Variants in FHOD3 observed in about 807,000 individuals in gnomAD.
The protein encoded by FHOD3 is FH1/FH2 domain-containing protein 3.
Under a neutral mutation model 173.0 loss-of-function variants are expected in FHOD3, and 90 were observed. The ratio of observed to expected loss-of-function variants is 0.52; its 90% CI spans 0.44 to 0.62. FHOD3 has a LOEUF of 0.62. Ranked by LOEUF, FHOD3 falls within the 20% of genes least tolerant of loss-of-function variation. FHOD3 has a pLI of 0.00. For missense variants in FHOD3, 1,945 were observed against 2,034.7 expected, an observed-to-expected ratio of 0.96 and a Z score of 0.85; for synonymous variants, 828 against 823.0, an observed-to-expected ratio of 1.01 and a Z score of -0.10.
At chr18:36,725,519 T>C (rs2041015998) in intron 19 of FHOD3, among the ~76,000 whole-genome samples, 1 of 151,942 alleles carries the variant, frequency 6.6e-6, no homozygotes, top group South Asian at 2.1e-4. Context: ...CTGTGCAGGG[T>C]TCAGCATCAT....
intron 3 of FHOD3, among the ~76,000 whole-genome samples, chr18:36,420,571 G>A (rs1790635): frequency 0.3 from 45,617 of 151,992 alleles, 7,162 homozygotes; most frequent in East Asian, 0.48. Flanking sequence ...TTGTTGGCTC[G>A]GGACAGCTGG....
intron 3 of FHOD3, among the ~76,000 whole-genome samples, chr18:36,393,965 C>T (rs1238217319): frequency 6.6e-6 from 1 of 152,106 alleles, no homozygotes; most frequent in African/African-American, 2.4e-5. Flanking sequence ...TTGATTAAAA[C>T]TTAGAAGGGT....
intron 10 of FHOD3, among the ~76,000 whole-genome samples, chr18:36,627,861 G>T (rs1015206842): frequency 6.6e-6 from 1 of 152,168 alleles, no homozygotes; most frequent in African/African-American, 2.4e-5. Flanking sequence ...TCAGAGTCAA[G>T]TGGCTCATTG....
At chr18:36,581,710 GCTCTCTCTTTC>G (rs1375128241) in intron 6 of FHOD3, among the ~76,000 whole-genome samples, 2 of 152,100 alleles carry the variant, frequency 1.3e-5, no homozygotes, top group Admixed American at 6.5e-5. Context: ...GTGCTCATGC[GCTCTCTCTTTC>G]TCTGTCATAT....
intron 10 of FHOD3, among the ~76,000 whole-genome samples, chr18:36,647,765 C>T (rs752245476): frequency 1.3e-5 from 2 of 152,158 alleles, no homozygotes; most frequent in Non-Finnish European, 2.9e-5. Flanking sequence ...TTCAAGTATA[C>T]GTAACTATGT....
In FHOD3 at chr18:36,669,913, T is replaced by C. The variant is rs139940562; in HGVS notation, c.1836-11523T>C. Among the ~76,000 whole-genome samples, 401 of 152,164 alleles carry C rather than the reference T, an allele frequency of 2.6e-3. 1 individual carries two copies. Among genetic ancestry groups the C allele is most frequent in the Non-Finnish European group, 4.7e-3 (317 of 67,908 alleles). On this transcript the variant is annotated intron_variant, in intron 14 of 28. Transcript: ENST00000590592. ...ATTTATCTTCTGCCAACATTTCTTT[T>C]AGTGCAGGTCTAGATAATGAATTAT...
At chr18:36,423,832 T>C (rs2050110947) in intron 3 of FHOD3, among the ~76,000 whole-genome samples, 1 of 152,268 alleles carries the variant, frequency 6.6e-6, no homozygotes, top group Non-Finnish European at 1.5e-5. Context: ...ATCCCTATTC[T>C]GTTTCCTTAT....
At chr18:36,671,225 C>T (rs555117458) in intron 14 of FHOD3, among the ~76,000 whole-genome samples, 1 of 152,366 alleles carries the variant, frequency 6.6e-6, no homozygotes, top group African/African-American at 2.4e-5. Flanking sequence ...TCTCTAGACT[C>T]CCAGCTTTGT....
intron 2 of FHOD3, among the ~76,000 whole-genome samples, chr18:36,364,859 G>A (rs527334838): frequency 6.6e-6 from 1 of 152,286 alleles, no homozygotes; most frequent in African/African-American, 2.4e-5. Flanking sequence ...GGCAAGGCTG[G>A]GAGTGGTGAG....
chr18:36,454,334 C>T (rs2052040203), intron 3 of FHOD3, among the ~76,000 whole-genome samples: 1 of 152,062 alleles, frequency 6.6e-6, no homozygotes, highest in Admixed American at 6.5e-5. Flanking sequence ...GGGTTGTGCA[C>T]ACATGAGCGC....
intron 3 of FHOD3, among the ~76,000 whole-genome samples, chr18:36,456,875 G>A (rs1379273603): frequency 6.6e-6 from 1 of 152,156 alleles, no homozygotes; most frequent in Non-Finnish European, 1.5e-5. Context: ...GACTAAGTGT[G>A]AGTCTGAGAA....
At chr18:36,448,947 T>C (rs1177303427) in intron 3 of FHOD3, among the ~76,000 whole-genome samples, 2 of 151,440 alleles carry the variant, frequency 1.3e-5, no homozygotes, top group Non-Finnish European at 2.9e-5. Context: ...CCAGTTACCC[T>C]TTCCTCCCCC....
intron 3 of FHOD3, among the ~76,000 whole-genome samples, chr18:36,466,318 A>G (rs907924603): frequency 1.6e-4 from 24 of 152,194 alleles, no homozygotes; most frequent in African/African-American, 5.8e-4. Flanking sequence ...ACAGGTATCT[A>G]TACTGAGGTT....
At chr18:36,417,070 A>T (rs1380023743) in intron 3 of FHOD3, among the ~76,000 whole-genome samples, 2 of 152,148 alleles carry the variant, frequency 1.3e-5, no homozygotes, top group Non-Finnish European at 2.9e-5. Flanking sequence ...GTAATTTTTT[A>T]AATTTAACTT....
At chr18:36,381,773 C>T (rs2047803941) in intron 3 of FHOD3, among the ~76,000 whole-genome samples, 3 of 152,228 alleles carry the variant, frequency 2.0e-5, no homozygotes, top group South Asian at 4.1e-4. Flanking sequence ...GATTTGTTTA[C>T]TTCAGAAATG....
At chr18:36,767,945 A>G (rs1211171271) in intron 27 of FHOD3, among the ~76,000 whole-genome samples, 1 of 152,116 alleles carries the variant, frequency 6.6e-6, no homozygotes, top group East Asian at 1.9e-4. Flanking sequence ...GGTTGTAAGC[A>G]CCAAAACTTA....
chr18:36,626,811 C>A (rs1157897165), intron 10 of FHOD3, among the ~76,000 whole-genome samples: 1 of 152,136 alleles, frequency 6.6e-6, no homozygotes, highest in Non-Finnish European at 1.5e-5. Flanking sequence ...ATATATCCCT[C>A]CTCTCCATCT....
At chr18:36,639,610 C>T (rs1256139353) in intron 10 of FHOD3, among the ~76,000 whole-genome samples, 16 of 148,714 alleles carry the variant, frequency 1.1e-4, no homozygotes, top group African/African-American at 3.2e-4. Context: ...TTGCAGTGAG[C>T]GGAGATCGTG....
At position 36,728,065 on chromosome 18, in the gene FHOD3, C is replaced by T. The variant is rs74440140; in HGVS notation, c.3418-2581C>T. Among the ~76,000 whole-genome samples, 190 of 152,320 alleles carry T rather than the reference C, an allele frequency of 1.2e-3. 1 individual carries two copies. Among genetic ancestry groups the T allele is most frequent in the African/African-American group, 4.2e-3 (175 of 41,566 alleles). On this transcript the variant is annotated intron_variant, in intron 19 of 28. Transcript: ENST00000590592. The stretch of plus-strand genomic sequence containing the variant: ...GGGATGAGCACAAGGCATGGCCCAC[C>T]AGTTCTATTGCTTTTTAATCAGGAA...
Sources: gnomAD v4.1 joint callset for allele counts (sites outside exome capture counted in the v4.1 genomes callset) on GRCh38, gnomAD v4.1.1 for gene constraint, MANE v1.5 for transcripts, NCBI Gene and HGNC (gene_info 2026-07-23, HGNC 2026-07-21) for gene names.